The following RBFOX1 variants were observed in gnomAD, a reference collection of about 807,000 sequenced individuals.
The protein encoded by RBFOX1 is RNA binding fox-1 homolog 1.
RBFOX1 carries 8 observed loss-of-function variants against 57.7 expected under a neutral mutation model. The observed-to-expected ratio is 0.14, with a 90% CI of 0.08 to 0.25. The LOEUF is 0.25. Among genes scored for constraint, RBFOX1 ranks in the 10% least tolerant of loss-of-function variants. RBFOX1 has a pLI of 1.00. For synonymous variants in RBFOX1, 326 were observed against 222.4 expected (o/e 1.47, Z -4.15); for missense variants, 611 against 548.5 (o/e 1.11, Z -1.14).
intron 4 of RBFOX1, among the ~76,000 whole-genome samples, chr16:7,235,590 C>A (rs927996074): frequency 6.6e-6 from 1 of 152,128 alleles, no homozygotes; most frequent in Non-Finnish European, 1.5e-5. Context: ...GCTGCGTTTG[C>A]CCTTTCAATT....
chr16:6,094,155 C>G (rs1043529306), intron 1 of RBFOX1, among the ~76,000 whole-genome samples: 1 of 152,086 alleles, frequency 6.6e-6, no homozygotes, highest in South Asian at 2.1e-4. Flanking sequence ...GAGCTTTGTC[C>G]CAAGGACTCA....
intron 3 of RBFOX1, among the ~76,000 whole-genome samples, chr16:5,805,959 T>G (rs1052010993): frequency 4.1e-4 from 62 of 152,156 alleles, no homozygotes; most frequent in African/African-American, 1.5e-3. Flanking sequence ...CCTGCATAGA[T>G]CCTAGCACAG....
intron 4 of RBFOX1, among the ~76,000 whole-genome samples, chr16:5,988,036 C>G (rs1434320922): frequency 6.6e-6 from 1 of 152,162 alleles, no homozygotes; most frequent in African/African-American, 2.4e-5. Context: ...ACTTCACCAG[C>G]TCTAGTTTGA....
At chr16:5,895,315 C>T (rs1226656113) in intron 4 of RBFOX1, among the ~76,000 whole-genome samples, 1 of 152,092 alleles carries the variant, frequency 6.6e-6, no homozygotes, top group Non-Finnish European at 1.5e-5. Flanking sequence ...GTAGAAAATC[C>T]CAGGAAATGG....
chr16:7,200,074 A>C (rs2087925557), intron 4 of RBFOX1, among the ~76,000 whole-genome samples: 1 of 152,242 alleles, frequency 6.6e-6, no homozygotes, highest in Admixed American at 6.5e-5. Context: ...GTCAGATACT[A>C]GTCATAATAC....
intron 1 of RBFOX1, among the ~76,000 whole-genome samples, chr16:6,242,790 C>T (rs535634388): frequency 3.3e-5 from 5 of 152,196 alleles, no homozygotes; most frequent in South Asian, 2.1e-4. Context: ...ATAATAAACA[C>T]ATAACCCTTG....
intron 11 of RBFOX1, among the ~76,000 whole-genome samples, chr16:7,639,873 A>G (rs1361740807): frequency 6.6e-6 from 1 of 152,088 alleles, no homozygotes; most frequent in Non-Finnish European, 1.5e-5. Context: ...CAATCATAGC[A>G]CTTATCTATT....
chr16:5,339,511 C>A (rs1386027910), intron 1 of RBFOX1, among the ~76,000 whole-genome samples: 1 of 57,020 alleles, frequency 1.8e-5, no homozygotes, highest in Non-Finnish European at 3.5e-5. Flanking sequence ...GAGATGGAGT[C>A]TTGCTGGGTC....
chr16:5,987,356 G>T (rs998657631), intron 4 of RBFOX1, among the ~76,000 whole-genome samples: 4 of 152,048 alleles, frequency 2.6e-5, no homozygotes, highest in Admixed American at 2.0e-4. Context: ...CTCTTTCCAG[G>T]ATCTTCTGCA....
In RBFOX1 at chr16:5,908,313, TAC is replaced by T. The variant is rs200672710; in HGVS notation, c.351+40988_351+40989del. Among the ~76,000 whole-genome samples the T allele has an allele frequency of 2.8e-3, 394 of 141,324 alleles. 13 individuals carry two copies. The South Asian group carries it at 0.04, about 14-fold the overall frequency. The allele number at this position is 141,324 out of a possible 152,430, so 92.7% of individuals were successfully genotyped here. A position where few individuals can be genotyped will look rare whatever the true frequency, so the allele number is the denominator to read the frequency against. On this transcript the variant is annotated intron_variant, in intron 4 of 19. Transcript: ENST00000641259. Reference sequence around the variant, plus strand: ...ACACATATATATATACACACATATATACACACACACATATATATATGTGTGTG... The same window carrying T: ...ACACATATATATATACACACATATATACACACACATATATATATGTGTGTG...
chr16:7,294,232 C>G (rs917834780), intron 4 of RBFOX1, among the ~76,000 whole-genome samples: 1 of 152,036 alleles, frequency 6.6e-6, no homozygotes, highest in Non-Finnish European at 1.5e-5. Flanking sequence ...TGCCGCCTAC[C>G]CTTCCTTGTC....
chr16:5,878,131 G>A (rs1354829260), intron 4 of RBFOX1, among the ~76,000 whole-genome samples: 1 of 152,146 alleles, frequency 6.6e-6, no homozygotes, highest in Non-Finnish European at 1.5e-5. Context: ...CTGTGTGTAT[G>A]GATAAGGGGT....
intron 3 of RBFOX1, among the ~76,000 whole-genome samples, chr16:5,752,113 C>G (rs1271454910): frequency 2.0e-5 from 3 of 152,168 alleles, no homozygotes; most frequent in Admixed American, 1.3e-4. Context: ...GAGATCATGT[C>G]CTTTGCAGGA....
intron 4 of RBFOX1, chr16:7,328,703 A>G (rs1020495254): frequency 6.6e-6 from 1 of 151,148 alleles, no homozygotes. Flanking sequence ...AAAATCCTTG[A>G]TGGAAATCTC....
intron 1 of RBFOX1, among the ~76,000 whole-genome samples, chr16:6,301,591 G>A (rs1450280156): frequency 6.6e-6 from 1 of 152,014 alleles, no homozygotes; most frequent in Non-Finnish European, 1.5e-5. Flanking sequence ...GTTTAGGGAA[G>A]GCTACCCGTG....
intron 2 of RBFOX1, among the ~76,000 whole-genome samples, chr16:6,323,772 T>G (rs763312165): frequency 2.6e-5 from 4 of 151,724 alleles, no homozygotes; most frequent in Non-Finnish European, 4.4e-5. Context: ...AGTAGTGAAG[T>G]CTGTGCTTTT....
At chr16:5,299,860 C>T (rs188272345) in intron 1 of RBFOX1, among the ~76,000 whole-genome samples, 2 of 151,908 alleles carry the variant, frequency 1.3e-5, no homozygotes, top group African/African-American at 2.4e-5. Flanking sequence ...GTATCCTTGT[C>T]TTATTCCTGA....
intron 4 of RBFOX1, among the ~76,000 whole-genome samples, chr16:7,300,048 G>A (rs901322758): frequency 6.6e-6 from 1 of 152,126 alleles, no homozygotes; most frequent in Admixed American, 6.5e-5. Flanking sequence ...AGCTGAAACT[G>A]CATTTTTTCA....
chr16:7,230,634 T>A (rs1222422004), intron 4 of RBFOX1, among the ~76,000 whole-genome samples: 5 of 152,174 alleles, frequency 3.3e-5, no homozygotes, highest in African/African-American at 1.2e-4. Context: ...TTCTGATGCA[T>A]TCATTCTGGA....
Sources: allele counts gnomAD v4.1 joint callset (sites outside exome capture counted in the v4.1 genomes callset), GRCh38; gene constraint gnomAD v4.1.1; transcripts MANE v1.5; gene names NCBI Gene and HGNC (gene_info 2026-07-23, HGNC 2026-07-21).